Variants in TNNI3K observed in about 807,000 individuals in gnomAD.
TNNI3K encodes serine/threonine-protein kinase TNNI3K.
A neutral mutation model predicts 114.5 loss-of-function variants in TNNI3K; 140 were observed. The ratio of observed to expected loss-of-function variants is 1.22; its 90% CI spans 1.07 to 1.41. The LOEUF (loss-of-function observed/expected upper bound fraction) is 1.41. Ranked by LOEUF, TNNI3K falls within the 40% of genes most tolerant of loss-of-function variation. The pLI, the probability that TNNI3K is intolerant of heterozygous loss-of-function variation, is 0.00. For synonymous variants in TNNI3K, 347 were observed against 347.5 expected (o/e 1.00, Z 0.02); for missense variants, 1,125 against 1,007.6 (o/e 1.12, Z -1.58).
chr1:74,516,654 A>G (rs1249672927), intron 23 of TNNI3K, among the ~76,000 whole-genome samples: 1 of 152,178 alleles, frequency 6.6e-6, no homozygotes. Context: ...AGTAAGTGGC[A>G]TGGTCAGCCA....
chr1:74,450,292 A>T (rs1666928022), intron 20 of TNNI3K, among the ~76,000 whole-genome samples: 1 of 151,888 alleles, frequency 6.6e-6, no homozygotes, highest in Non-Finnish European at 1.5e-5. Context: ...AAATGCCCAC[A>T]AGAGAAAGCA....
At chr1:74,336,748 C>A (rs1168037831) in intron 7 of TNNI3K, among the ~76,000 whole-genome samples, 1 of 150,934 alleles carries the variant, frequency 6.6e-6, no homozygotes, top group Non-Finnish European at 1.5e-5. Context: ...TCCAGTCTAT[C>A]ATTGTTGGAC....
At chr1:74,415,235 G>C (rs1665061779) in intron 17 of TNNI3K, among the ~76,000 whole-genome samples, 1 of 151,954 alleles carries the variant, frequency 6.6e-6, no homozygotes, top group African/African-American at 2.4e-5. Flanking sequence ...TATCCTATTA[G>C]TGAGTCCTTC....
intron 23 of TNNI3K, among the ~76,000 whole-genome samples, chr1:74,511,098 G>A (rs893268816): frequency 2.0e-5 from 3 of 152,158 alleles, no homozygotes; most frequent in Non-Finnish European, 2.9e-5. Flanking sequence ...ATGTTGGCCA[G>A]GCTGGTCTGG....
rs10529693 is a variant in TNNI3K, at chr1:74,417,682, T to TTGTG, written c.1773-18350_1773-18347dup. On this transcript the variant is annotated intron_variant, in intron 17 of 24. Coordinates refer to ENST00000326637, the MANE Select transcript of TNNI3K (RefSeq NM_015978.3). The stretch of plus-strand genomic sequence containing the variant: ...TAGTTAAGGAGAAAAGTGTACGTGT[T>TTGTG]TGTGTGTGTGTGTGTGTGTGTGTGT... 1.7e-3 allele frequency among the ~76,000 whole-genome samples: 232 copies of TTGTG among 137,112 alleles called. 1 individual carries two copies. The highest frequency in any genetic ancestry group is 3.2e-3 in the Non-Finnish European group (197 of 62,482). The allele number at this position is 137,112 out of a possible 152,430, so 90.0% of individuals were successfully genotyped here.
chr1:74,409,658 A>G (rs1310557753), intron 17 of TNNI3K, among the ~76,000 whole-genome samples: 4 of 151,442 alleles, frequency 2.6e-5, no homozygotes, highest in African/African-American at 9.7e-5. Flanking sequence ...ACACCTGGCT[A>G]ATTTTTTGTA....
intron 23 of TNNI3K, among the ~76,000 whole-genome samples, chr1:74,522,164 G>C (rs1646442207): frequency 6.6e-6 from 1 of 152,164 alleles, no homozygotes; most frequent in Non-Finnish European, 1.5e-5. Context: ...TAATATAGCA[G>C]GTGAAGCATT....
chr1:74,367,412 G>T, intron 12 of TNNI3K, 70 bp downstream of exon 12: 3 of 1,539,348 alleles, frequency 1.9e-6, no homozygotes, highest in Non-Finnish European at 2.7e-6. Context: ...CTGTGTTTCT[G>T]TTACTATCAT....
chr1:74,526,210 T>C (rs1234527521), intron 23 of TNNI3K, among the ~76,000 whole-genome samples: 1 of 152,210 alleles, frequency 6.6e-6, no homozygotes, highest in Non-Finnish European at 1.5e-5. Context: ...TGGAATTTCT[T>C]GCAGGGATGT....
intron 4 of TNNI3K, among the ~76,000 whole-genome samples, chr1:74,266,294 A>G (rs1459377030): frequency 3.3e-5 from 5 of 151,972 alleles, no homozygotes; most frequent in Non-Finnish European, 7.4e-5. Flanking sequence ...TGTGCGATGT[A>G]CCTTCTCCAT....
chr1:74,531,598 T>C (rs539764313), intron 23 of TNNI3K, among the ~76,000 whole-genome samples: 1 of 152,352 alleles, frequency 6.6e-6, no homozygotes, highest in East Asian at 1.9e-4. Context: ...ATGACTCTAG[T>C]AGCCTTTTCT....
Position 74,364,649 on chromosome 1 carries a change from C to A in TNNI3K, c.1178-2607C>A, listed in dbSNP as rs138430355. ...AGAATCAAGGTTGTTATTTAGCTGACTTTAAGAGATAGATTATCCTGGATT... is the reference window on the plus strand; with the variant it reads ...AGAATCAAGGTTGTTATTTAGCTGAATTTAAGAGATAGATTATCCTGGATT... On this transcript the variant is annotated intron_variant, in intron 11 of 24. Coordinates refer to ENST00000326637, the MANE Select transcript of TNNI3K (RefSeq NM_015978.3). Among the ~76,000 whole-genome samples the A allele has an allele frequency of 1.4e-3, 212 of 151,916 alleles. 1 individual carries two copies. Among genetic ancestry groups the A allele is most frequent in the African/African-American group, 5.0e-3 (206 of 41,412 alleles).
chr1:74,533,021 C>T (rs374588224), intron 23 of TNNI3K, among the ~76,000 whole-genome samples: 2 of 151,834 alleles, frequency 1.3e-5, no homozygotes, highest in African/African-American at 2.4e-5. Context: ...ACTTCATGTC[C>T]AAAACACCAA....
chr1:74,281,676 T>G (rs1657024624), intron 5 of TNNI3K, among the ~76,000 whole-genome samples: 1 of 152,146 alleles, frequency 6.6e-6, no homozygotes, highest in Non-Finnish European at 1.5e-5. Context: ...ATCTTTTCAT[T>G]GCAATGTGAA....
At chr1:74,420,865 C>G (rs1275270119) in intron 17 of TNNI3K, among the ~76,000 whole-genome samples, 1 of 151,962 alleles carries the variant, frequency 6.6e-6, no homozygotes, top group African/African-American at 2.4e-5. Flanking sequence ...TGCTTCTTAT[C>G]TATATTGTCA....
intron 17 of TNNI3K, among the ~76,000 whole-genome samples, chr1:74,399,301 G>T (rs572640321): frequency 6.6e-6 from 1 of 151,926 alleles, no homozygotes; most frequent in African/African-American, 2.4e-5. Context: ...GTGAACTCCC[G>T]TATTTAGGTA....
intron 21 of TNNI3K, among the ~76,000 whole-genome samples, chr1:74,486,937 A>G (rs1252949452): frequency 1.3e-5 from 2 of 152,182 alleles, no homozygotes; most frequent in East Asian, 1.9e-4. Flanking sequence ...GAATTTAGCA[A>G]TGAGATCTTT....
chr1:74,405,836 A>G (rs1390494060), intron 17 of TNNI3K, among the ~76,000 whole-genome samples: 2 of 152,244 alleles, frequency 1.3e-5, no homozygotes, highest in Non-Finnish European at 2.9e-5. Context: ...AGTCGGTTGA[A>G]TACTAATCTG....
intron 10 of TNNI3K, 126 bp downstream of exon 10, chr1:74,353,486 G>C (rs1054171439): frequency 1.0e-6 from 1 of 995,986 alleles, no homozygotes; most frequent in East Asian, 2.7e-5. Flanking sequence ...TTTATCAACT[G>C]CCAGCATTTA....
Sources: allele counts gnomAD v4.1 joint callset (sites outside exome capture counted in the v4.1 genomes callset), GRCh38; gene constraint gnomAD v4.1.1; transcripts MANE v1.5; gene names NCBI Gene and HGNC (gene_info 2026-07-23, HGNC 2026-07-21).